NINL: variants seen among roughly 807,000 people sequenced by gnomAD.
NINL encodes ninein like.
In NINL, 153 loss-of-function variants were observed where a neutral mutation model predicts 160.3. That is an observed-to-expected ratio of 0.95 (90% CI 0.84 to 1.09). The LOEUF is 1.09. Among genes scored for constraint, NINL ranks in the 50% least tolerant of loss-of-function variants. The pLI, the probability that NINL is intolerant of heterozygous loss-of-function variation, is 0.00. For missense variants in NINL, 1,829 were observed against 1,764.0 expected (o/e 1.04, Z -0.66); for synonymous variants, 800 against 734.8 (o/e 1.09, Z -1.43).
intron 1 of NINL, among the ~76,000 whole-genome samples, chr20:25,534,899 T>G (rs2064530380): frequency 6.6e-6 from 1 of 152,236 alleles, no homozygotes; most frequent in Non-Finnish European, 1.5e-5. Context: ...TGTAAGTAGT[T>G]GTTATACCAT....
At chr20:25,570,971 G>A (rs1415109419) in intron 1 of NINL, among the ~76,000 whole-genome samples, 1 of 150,990 alleles carries the variant, frequency 6.6e-6, no homozygotes, top group Non-Finnish European at 1.5e-5. Context: ...CCAAAGTGCT[G>A]GGCGTGAACC....
intron 9 of NINL, among the ~76,000 whole-genome samples, chr20:25,497,157 C>T (rs958892038): frequency 2.6e-5 from 4 of 152,162 alleles, no homozygotes; most frequent in Non-Finnish European, 4.4e-5. Context: ...GGGCGTGGAT[C>T]GCAAGTACCT....
At chr20:25,455,464 A>G (rs1018495967) in intron 23 of NINL, among the ~76,000 whole-genome samples, 1 of 152,186 alleles carries the variant, frequency 6.6e-6, no homozygotes, top group Non-Finnish European at 1.5e-5. Context: ...GTCCTTTCTG[A>G]GTGTATGTGA....
At chr20:25,527,918 T>G (rs985412629) in intron 1 of NINL, among the ~76,000 whole-genome samples, 1 of 152,176 alleles carries the variant, frequency 6.6e-6, no homozygotes, top group Non-Finnish European at 1.5e-5. Flanking sequence ...AGAATATTAT[T>G]TATATAAGGA....
rs572962737 is a variant in NINL at position 25,479,213 on chromosome 20, C to T, written c.1918-7G>A. On this transcript the variant is annotated splice_polypyrimidine_tract_variant and splice_region_variant and intron_variant, in intron 15 of 23. Coordinates refer to ENST00000278886, the MANE Select transcript of NINL (RefSeq NM_025176.6). ...CCCTTTCGTAGTAATTTACCTAAAA[C>T]GAGAAACATGAGCCCCGTGGACCAG... The T allele has an allele frequency of 4.8e-5, 77 of 1,597,276 alleles. 1 individual carries two copies. Among genetic ancestry groups the T allele is most frequent in the African/African-American group, 1.6e-4 (12 of 74,498 alleles).
chr20:25,584,262 A>G (rs1168892697), intron 1 of NINL, among the ~76,000 whole-genome samples: 1 of 152,216 alleles, frequency 6.6e-6, no homozygotes, highest in Non-Finnish European at 1.5e-5. Flanking sequence ...CCTGAAGGTC[A>G]GAAGTTCGAG....
chr20:25,494,425 C>G (rs2146720411), intron 10 of NINL, among the ~76,000 whole-genome samples: 1 of 152,022 alleles, frequency 6.6e-6, no homozygotes, highest in Middle Eastern at 3.4e-3. Flanking sequence ...CTGTACCCCA[C>G]ATACCTGAGG....
chr20:25,522,521 T>C (rs1052527066), intron 2 of NINL, among the ~76,000 whole-genome samples: 2 of 152,252 alleles, frequency 1.3e-5, no homozygotes, highest in South Asian at 2.1e-4. Flanking sequence ...CACATGAAGA[T>C]AGAAACTGTG....
intron 5 of NINL, among the ~76,000 whole-genome samples, chr20:25,506,243 A>T (rs1418186505): frequency 2.0e-5 from 3 of 152,252 alleles, no homozygotes; most frequent in African/African-American, 7.2e-5. Flanking sequence ...CCTGGGCTAC[A>T]GAAGAATACT....
intron 1 of NINL, among the ~76,000 whole-genome samples, chr20:25,541,515 TTA>T (rs2064661702): frequency 1.3e-5 from 2 of 152,352 alleles, no homozygotes; most frequent in African/African-American, 4.8e-5. Context: ...GTAAAGACTT[TTA>T]TATCCACACA....
chr20:25,497,026 G>A (rs1221430679), intron 9 of NINL, among the ~76,000 whole-genome samples: 2 of 152,240 alleles, frequency 1.3e-5, no homozygotes, highest in African/African-American at 4.8e-5. Flanking sequence ...ACTTGGCAAG[G>A]AAAGTTTCTA....
At chr20:25,558,534 A>G (rs1001700062) in intron 1 of NINL, among the ~76,000 whole-genome samples, 2 of 152,224 alleles carry the variant, frequency 1.3e-5, no homozygotes, top group African/African-American at 4.8e-5. Context: ...CTTGGAACTT[A>G]TAATGATTTT....
Position 25,520,241 on chromosome 20 carries a change from C to T in NINL, c.181-2392G>A, listed in dbSNP as rs985791942. 3.3e-5 allele frequency among the ~76,000 whole-genome samples: 5 copies of T among 152,020 alleles called. No homozygotes were observed. In the East Asian group the frequency reaches 5.8e-4, roughly 18 times the overall value. The stretch of plus-strand genomic sequence containing the variant: ...GACACATGGCTCTTTTCTCTAGGTA[C>T]GCTTCAGTGAAAGTCACACAGAAAG... On this transcript the variant is annotated intron_variant, in intron 2 of 23. Coordinates refer to ENST00000278886, the MANE Select transcript of NINL (RefSeq NM_025176.6).
chr20:25,527,631 A>G (rs941565065), intron 1 of NINL, among the ~76,000 whole-genome samples: 3 of 152,090 alleles, frequency 2.0e-5, no homozygotes, highest in African/African-American at 7.2e-5. Context: ...ATAAATCACA[A>G]AAGATATATA....
intron 23 of NINL, among the ~76,000 whole-genome samples, chr20:25,454,916 C>T (rs1298337712): frequency 2.0e-5 from 3 of 152,308 alleles, no homozygotes; most frequent in South Asian, 4.1e-4. Flanking sequence ...TCCTGTCATG[C>T]TTTTACTTAA....
At chr20:25,504,694 C>T (rs1568923642) in intron 6 of NINL, among the ~76,000 whole-genome samples, 194 bp downstream of exon 6, 2 of 152,226 alleles carry the variant, frequency 1.3e-5, no homozygotes, top group South Asian at 2.1e-4. Context: ...TGGGCAACTC[C>T]ATCAGAGACG....
chr20:25,462,423 G>A lies in NINL; in HGVS notation c.3542C>T (p.Thr1181Ile). Residue 1181 changes from threonine to isoleucine, a missense_variant, in exon 20 of 24, where the codon ACA becomes ATA. Physicochemically the swap from Thr to Ile is moderately conservative, Grantham distance 89. Transcript: ENST00000278886. ...EEHRVTIQML[T>I]QSLEEVVRSG... is the part of the protein sequence containing the mutation. ...GCGAACCACCTCCTCCAGGCTCTGT[G>A]TTAACATCTGAATGGTCACACGATG... 1 of 1,614,106 alleles carries A rather than the reference G, an allele frequency of 6.2e-7. No individual in the cohort carries two copies. Among genetic ancestry groups the A allele is most frequent in the Non-Finnish European group, 8.5e-7 (1 of 1,180,038 alleles).
At chr20:25,509,698 T>G in intron 5 of NINL, 1 of 456,778 alleles carries the variant, frequency 2.2e-6, no homozygotes, top group Non-Finnish European at 4.4e-6. Context: ...TCTTCACTCT[T>G]GCAGGCATCA....
chr20:25,489,143 C>A, intron 13 of NINL, 101 bp downstream of exon 13: 1 of 1,131,714 alleles, frequency 8.8e-7, no homozygotes, highest in Admixed American at 1.7e-5. Flanking sequence ...CAAGCAGAGG[C>A]TCTCCCTGGA....
Sources: allele counts gnomAD v4.1 joint callset (sites outside exome capture counted in the v4.1 genomes callset), GRCh38; gene constraint gnomAD v4.1.1; transcripts MANE v1.5; gene names NCBI Gene and HGNC (gene_info 2026-07-23, HGNC 2026-07-21).